Variants in FYB1 observed in about 807,000 individuals in gnomAD.
The protein encoded by FYB1 is FYN-binding protein 1.
In FYB1, 41 loss-of-function variants were observed where a neutral mutation model predicts 94.1. The observed-to-expected ratio is 0.44, with a 90% CI of 0.34 to 0.57. FYB1 has a LOEUF of 0.57. Ranked by LOEUF, FYB1 falls within the 20% of genes least tolerant of loss-of-function variation. The pLI, the probability that FYB1 is intolerant of heterozygous loss-of-function variation, is 0.02. For synonymous variants in FYB1, 367 were observed against 353.2 expected, an observed-to-expected ratio of 1.04 and a Z score of -0.44; for missense variants, 1,050 against 976.8, an observed-to-expected ratio of 1.07 and a Z score of -1.00.
intron 17 of FYB1, 35 bp downstream of exon 17, chr5:39,110,321 T>G (rs769712845): frequency 7.0e-7 from 1 of 1,437,836 alleles, no homozygotes; most frequent in Non-Finnish European, 9.5e-7. Context: ...CAAAATTCTT[T>G]TCACAAGCAT....
chr5:39,264,054 A>G (rs1309817465), intron 1 of FYB1, among the ~76,000 whole-genome samples: 1 of 152,182 alleles, frequency 6.6e-6, no homozygotes, highest in Non-Finnish European at 1.5e-5. Flanking sequence ...CTTGGATGTA[A>G]GGACAGAGCC....
intron 1 of FYB1, among the ~76,000 whole-genome samples, chr5:39,247,299 A>G (rs1379291175): frequency 6.6e-6 from 1 of 151,654 alleles, no homozygotes; most frequent in African/African-American, 2.4e-5. Context: ...TATTTTGTAT[A>G]TCTTTACTTG....
Position 39,119,558 on chromosome 5 carries a change from TTTC to T in FYB1, c.2212_2214del (p.Glu738del). Reference sequence around the variant, plus strand: ...ACTTTAAATTTTTTCCTGAAGTCTTTTTCTTCTTTTTCCTGCTTTTTTAGCTTC... The same window carrying T: ...ACTTTAAATTTTTTCCTGAAGTCTTTTTCTTTTTCCTGCTTTTTTAGCTTC... On this transcript the variant is annotated inframe_deletion, in exon 15 of 19. Coordinates refer to ENST00000512982, the MANE Select transcript of FYB1 (RefSeq NM_001465.6). The T allele has an allele frequency of 6.5e-7, 1 of 1,544,498 alleles. No individual in the cohort carries two copies. The highest frequency in any genetic ancestry group is 8.7e-7 in the Non-Finnish European group (1 of 1,144,198).
At chr5:39,179,316 A>G (rs1372022893) in intron 2 of FYB1, among the ~76,000 whole-genome samples, 3 of 152,186 alleles carry the variant, frequency 2.0e-5, no homozygotes, top group Non-Finnish European at 4.4e-5. Flanking sequence ...TCCTCCAGAC[A>G]TGGCAGTGGA....
chr5:39,193,913 G>C (rs1747590553), intron 2 of FYB1, among the ~76,000 whole-genome samples: 1 of 152,182 alleles, frequency 6.6e-6, no homozygotes, highest in African/African-American at 2.4e-5. Context: ...AATTCTGAGG[G>C]GAAGGCAAAT....
At chr5:39,122,895 T>G (rs1222313196) in intron 13 of FYB1, among the ~76,000 whole-genome samples, 1 of 152,132 alleles carries the variant, frequency 6.6e-6, no homozygotes, top group East Asian at 1.9e-4. Flanking sequence ...CCTTTTACCT[T>G]ACAGTGATAT....
At chr5:39,141,181 T>C (rs757474171) in intron 3 of FYB1, 40 bp from the exon 4 acceptor site, 5 of 1,313,172 alleles carry the variant, frequency 3.8e-6, no homozygotes, top group African/African-American at 2.9e-5. Context: ...ATGGAACAAG[T>C]AGATGCTCAC....
chr5:39,251,880 C>T (rs1751726218), intron 1 of FYB1, among the ~76,000 whole-genome samples: 1 of 152,158 alleles, frequency 6.6e-6, no homozygotes, highest in Admixed American at 6.5e-5. Flanking sequence ...TGCAGCGGCT[C>T]ACACCTGTAA....
In FYB1 at chr5:39,232,491, T is replaced by TCA; in HGVS notation, c.-27-29505_-27-29504insTG. ...GAAATTAAATCCTCATGTAAAGCCA[T>TCA]TGTAAGTGTGACATTTTAGCATAAA... On this transcript the variant is annotated intron_variant, in intron 1 of 1. Transcript: ENST00000510188. Among the ~76,000 whole-genome samples, 3 of 152,204 alleles carry TCA rather than the reference T, an allele frequency of 2.0e-5. No individual in the cohort carries two copies. The East Asian group carries it at 5.8e-4, about 29-fold the overall frequency.
At chr5:39,212,308 AAAAAAAT>A (rs938925228) in intron 1 of FYB1, among the ~76,000 whole-genome samples, 17 of 152,054 alleles carry the variant, frequency 1.1e-4, no homozygotes, top group South Asian at 4.1e-4. Flanking sequence ...ACCTTGTCTC[AAAAAAAT>A]AAAAAATAAA....
At chr5:39,248,186 A>G (rs940542252) in intron 1 of FYB1, among the ~76,000 whole-genome samples, 1 of 152,196 alleles carries the variant, frequency 6.6e-6, no homozygotes, top group East Asian at 1.9e-4. Context: ...AATTACTCTA[A>G]TTGACTGATA....
chr5:39,119,658 A>C (rs1215447890), intron 14 of FYB1, 24 bp from the exon 15 acceptor site: 1 of 1,467,074 alleles, frequency 6.8e-7, no homozygotes, highest in African/African-American at 1.4e-5. Flanking sequence ...ACACACATAA[A>C]ACAACACTTT....
chr5:39,141,018 G>GC lies in FYB1; in HGVS notation c.1339+76dup. The GC allele has an allele frequency of 3.1e-6, 3 of 960,368 alleles. No homozygotes were observed. The South Asian group carries it at 4.2e-5, about 14-fold the overall frequency. The allele number at this position is 960,368 out of a possible 1,614,324, so 59.5% of individuals were successfully genotyped here. On this transcript the variant is annotated intron_variant, in intron 4 of 18. Transcript: ENST00000512982. ...AGTGATGATAATGACCCATTAATGA[G>GC]CCTATAAGAATGAATAGCTCAAACT...
At chr5:39,240,936 G>A (rs1751177170) in intron 1 of FYB1, among the ~76,000 whole-genome samples, 1 of 152,140 alleles carries the variant, frequency 6.6e-6, no homozygotes, top group South Asian at 2.1e-4. Flanking sequence ...CCATTCAGTG[G>A]TAGACTGGAT....
chr5:39,219,198 G>A (rs764930065), intron 1 of FYB1, among the ~76,000 whole-genome samples: 21 of 152,158 alleles, frequency 1.4e-4, no homozygotes, highest in Non-Finnish European at 2.5e-4. Context: ...ATCCAGTTAC[G>A]AAAGAGCAAG....
intron 16 of FYB1, among the ~76,000 whole-genome samples, chr5:39,113,938 T>C (rs1739300530): frequency 2.0e-5 from 3 of 152,276 alleles, no homozygotes; most frequent in South Asian, 4.1e-4. Flanking sequence ...TCCCCTCTTC[T>C]CTGTTTATAT....
At chr5:39,192,221 A>G (rs931071305) in intron 2 of FYB1, among the ~76,000 whole-genome samples, 5 of 152,188 alleles carry the variant, frequency 3.3e-5, no homozygotes, top group African/African-American at 1.2e-4. Flanking sequence ...AGTCAGAAAG[A>G]GCCTTTATTT....
rs10052923 is a variant in FYB1, at chr5:39,139,033, T to A, written c.1359+200A>T. On this transcript the variant is annotated intron_variant, in intron 5 of 18. Coordinates refer to ENST00000512982, the MANE Select transcript of FYB1 (RefSeq NM_001465.6). ...AGTCAGACTTAAGTTTGTTCAGCAC[T>A]ACAGCATTATAATGAGTCAGTGTGA... The A allele has an allele frequency of 0.04, 24,218 of 599,064 alleles. 2,394 individuals are homozygous for A. Among genetic ancestry groups the A allele is most frequent in the African/African-American group, 0.26 (13,758 of 53,790 alleles). The allele number at this position is 599,064 out of a possible 1,614,324, so 37.1% of individuals were successfully genotyped here.
At chr5:39,165,529 A>G (rs1744651602) in intron 2 of FYB1, among the ~76,000 whole-genome samples, 1 of 152,248 alleles carries the variant, frequency 6.6e-6, no homozygotes, top group Non-Finnish European at 1.5e-5. Context: ...ATCTGAAGCT[A>G]TAAAAATACT....
Sources: allele counts gnomAD v4.1 joint callset (sites outside exome capture counted in the v4.1 genomes callset), GRCh38; gene constraint gnomAD v4.1.1; transcripts MANE v1.5; gene names NCBI Gene and HGNC (gene_info 2026-07-23, HGNC 2026-07-21).